IFI16: variants seen among roughly 807,000 people sequenced by gnomAD.
IFI16 encodes interferon gamma inducible protein 16.
In IFI16, 49 loss-of-function variants were observed where a neutral mutation model predicts 68.4. The observed-to-expected ratio is 0.72, with a 90% CI of 0.57 to 0.91. The LOEUF (loss-of-function observed/expected upper bound fraction) is 0.91. Among genes scored for constraint, IFI16 ranks in the 40% least tolerant of loss-of-function variants. The pLI is 0.00. For missense variants in IFI16, 878 were observed against 942.9 expected (o/e 0.93, Z 0.90); for synonymous variants, 307 against 315.0 (o/e 0.97, Z 0.27).
At chr1:159,022,373 A>T (rs1212989747) in intron 6 of IFI16, among the ~76,000 whole-genome samples, 1 of 152,178 alleles carries the variant, frequency 6.6e-6, no homozygotes, top group Non-Finnish European at 1.5e-5. Context: ...GGCCATTTTT[A>T]TACTTTTTGT....
intron 5 of IFI16, among the ~76,000 whole-genome samples, chr1:159,019,458 TAC>T (rs1457693492): frequency 6.8e-6 from 1 of 148,014 alleles, no homozygotes; most frequent in Non-Finnish European, 1.5e-5. Context: ...TTACTTTCTG[TAC>T]ACAGTCTTTT....
At chr1:159,020,159 G>A (rs1265896477) in intron 5 of IFI16, among the ~76,000 whole-genome samples, 182 bp from the exon 6 acceptor site, 1 of 152,070 alleles carries the variant, frequency 6.6e-6, no homozygotes. Flanking sequence ...AGATATGAAA[G>A]ACTTAAACAA....
At position 159,049,588 on chromosome 1, in the gene IFI16, T is replaced by C. The variant is rs1655216431; in HGVS notation, c.1654T>C (p.Phe552Leu). ...QMPPSTPSSS[F>L]LTTLKPRLKT... ...GCCTCCATCAACACCAAGCAGCAGT[T>C]TCTTAACCACGGTACAAGTTCCCTC... Residue 552 changes from phenylalanine (F) to leucine (L), a missense_variant, in exon 9 of 12, where the codon TTC becomes CTC. Phe to Leu is a conservative substitution (Grantham distance 22, BLOSUM62 0). Transcript: ENST00000295809. 1 of 1,607,150 alleles carries C rather than the reference T, an allele frequency of 6.2e-7. No individual in the cohort carries two copies. The highest frequency in any genetic ancestry group is 8.5e-7 in the Non-Finnish European group (1 of 1,177,512).
chr1:159,003,153 G>A (rs981933660), upstream of IFI16, among the ~76,000 whole-genome samples: 2 of 152,180 alleles, frequency 1.3e-5, no homozygotes, highest in Non-Finnish European at 2.9e-5. Context: ...GTTCCACTGT[G>A]CAAGATACCC....
chr1:159,005,307 G>A (rs188589116), upstream of IFI16, among the ~76,000 whole-genome samples: 38 of 152,312 alleles, frequency 2.5e-4, no homozygotes, highest in East Asian at 6.9e-3. Flanking sequence ...TACAGGGAGG[G>A]TCAGAGAACA....
At chr1:159,018,923 A>C (rs1443078456) in intron 5 of IFI16, among the ~76,000 whole-genome samples, 1 of 152,226 alleles carries the variant, frequency 6.6e-6, no homozygotes, top group Non-Finnish European at 1.5e-5. Context: ...AGTTGTTATT[A>C]TCTATGCTAA....
At chr1:159,039,719 C>A (rs1654512463) in intron 7 of IFI16, among the ~76,000 whole-genome samples, 1 of 152,122 alleles carries the variant, frequency 6.6e-6, no homozygotes, top group Non-Finnish European at 1.5e-5. Flanking sequence ...GCCAGAATCA[C>A]CCCAGTTGAT....
chr1:159,015,929 CA>C lies in IFI16; in HGVS notation c.324del (p.Ser110ProfsTer84). 6.2e-7 allele frequency: 1 copy of C among 1,614,128 alleles called. No homozygotes were observed. The highest frequency in any genetic ancestry group is 8.5e-7 in the Non-Finnish European group (1 of 1,179,972). ...RKKEVDATSP[A>X]PSTSSTVKTE... ...AAGGAAGTGGATGCTACTTCACCTGCACCCTCCACAAGCAGCACTGTCAAAA... is the reference window on the plus strand; with the variant it reads ...AAGGAAGTGGATGCTACTTCACCTGCCCCTCCACAAGCAGCACTGTCAAAA... On this transcript the variant is annotated frameshift_variant, in exon 3 of 12. Transcript: ENST00000295809. LOFTEE classifies it high-confidence loss of function.
chr1:159,042,284 A>G (rs1450752251), intron 7 of IFI16, among the ~76,000 whole-genome samples: 4 of 148,776 alleles, frequency 2.7e-5, no homozygotes, highest in Non-Finnish European at 5.9e-5. Flanking sequence ...TAACAATTTT[A>G]TATTTGATAT....
chr1:159,033,818 G>A (rs1654154941), intron 7 of IFI16, among the ~76,000 whole-genome samples: 1 of 152,194 alleles, frequency 6.6e-6, no homozygotes, highest in South Asian at 2.1e-4. Flanking sequence ...GGTGATCAGA[G>A]TGTGTTCTAA....
chr1:159,027,925 C>A (rs939413768), intron 6 of IFI16, among the ~76,000 whole-genome samples: 6 of 152,036 alleles, frequency 3.9e-5, no homozygotes, highest in African/African-American at 1.4e-4. Context: ...ATTTCACTAA[C>A]GGTCTATGAG....
chr1:159,045,344 G>A lies in IFI16; in HGVS notation c.1377G>A (p.Gln459=), dbSNP rs1269083360. ...ISKMNDFMRM[Q]ILKEGSHFPG... is the part of the protein sequence containing the mutation. ...AAATGAATGACTTCATGAGGATGCAGATACTGAAGGAAGGGAGTCATTTTC... is the reference window on the plus strand; with the variant it reads ...AAATGAATGACTTCATGAGGATGCAAATACTGAAGGAAGGGAGTCATTTTC... The change falls in exon 8 of 12, where the codon CAG becomes CAA. Residue 459 remains glutamine (Q), a synonymous_variant. Transcript: ENST00000295809. 6.6e-7 allele frequency: 1 copy of A among 1,523,066 alleles called. No individual in the cohort carries two copies. Among genetic ancestry groups the A allele is most frequent in the African/African-American group, 1.4e-5 (1 of 72,594 alleles). 94.3% of individuals were successfully genotyped at this position (1,523,066 alleles called of 1,614,324 possible). A position where few individuals can be genotyped will look rare whatever the true frequency, so the allele number is the denominator to read the frequency against.
upstream of IFI16, among the ~76,000 whole-genome samples, chr1:159,003,860 C>T (rs1652152758): frequency 6.6e-6 from 1 of 151,956 alleles, no homozygotes; most frequent in Non-Finnish European, 1.5e-5. Flanking sequence ...CGGGGTTTCA[C>T]TGTGTTAGCC....
At position 159,055,021 on chromosome 1, in the gene IFI16, TA is replaced by T; in HGVS notation, c.*122del. The T allele has an allele frequency of 2.2e-6, 1 of 449,460 alleles. No individual in the cohort carries two copies. The highest frequency in any genetic ancestry group is 4.1e-6 in the Non-Finnish European group (1 of 246,004). 27.8% of individuals were successfully genotyped at this position (449,460 alleles called of 1,614,324 possible). ...ACACACCACCATATATACTAGCTGT[TA>T]ATCCTATGGAATGGGGTATTGGGAG... On this transcript the variant is annotated 3_prime_UTR_variant, in exon 12 of 12. Transcript: ENST00000295809.
chr1:159,011,010 A>G (rs1357970136), intron 1 of IFI16, among the ~76,000 whole-genome samples: 2 of 152,182 alleles, frequency 1.3e-5, no homozygotes, highest in African/African-American at 4.8e-5. Flanking sequence ...ACGTTGTTCA[A>G]ATTTATTATA....
At chr1:159,047,479 C>T (rs1427497510) in intron 8 of IFI16, among the ~76,000 whole-genome samples, 1 of 147,846 alleles carries the variant, frequency 6.8e-6, no homozygotes, top group African/African-American at 2.5e-5. Context: ...CATAAGACAA[C>T]TACTCTGTCC....
chr1:159,026,983 C>A (rs1450620418), intron 6 of IFI16, among the ~76,000 whole-genome samples: 2 of 152,174 alleles, frequency 1.3e-5, no homozygotes, highest in African/African-American at 2.4e-5. Context: ...CAAACAGCAA[C>A]AGTTTGACTT....
At chr1:159,035,713 T>C (rs1654285765) in intron 7 of IFI16, among the ~76,000 whole-genome samples, 1 of 151,526 alleles carries the variant, frequency 6.6e-6, no homozygotes, top group Admixed American at 6.6e-5. Flanking sequence ...ATACGCTCTA[T>C]ATTCATTGAG....
At position 159,054,811 on chromosome 1, in the gene IFI16, C is replaced by T. The variant is rs765179178; in HGVS notation, c.2278-10C>T. ...TCAACTGGTCTGTCTTTATCTCTTT[C>T]TCCTTCAAGGTCATCAAGACCAGGA... On this transcript the variant is annotated splice_polypyrimidine_tract_variant and intron_variant, in intron 11 of 11. Transcript: ENST00000295809. 8 of 1,538,102 alleles carry T rather than the reference C, an allele frequency of 5.2e-6. No homozygotes were observed. In the Admixed American group the frequency reaches 1.4e-4, roughly 26 times the overall value.
Sources: gnomAD v4.1 joint callset for allele counts (sites outside exome capture counted in the v4.1 genomes callset) on GRCh38, gnomAD v4.1.1 for gene constraint, MANE v1.5 for transcripts, NCBI Gene and HGNC (gene_info 2026-07-23, HGNC 2026-07-21) for gene names.